The following INPP5A variants were observed in gnomAD, a reference collection of about 807,000 sequenced individuals.
The protein encoded by INPP5A is 43 kDa inositol polyphosphate 5-phophatase.
In INPP5A, 14 loss-of-function variants were observed where a neutral mutation model predicts 65.2. The observed-to-expected ratio is 0.21, with a 90% CI of 0.14 to 0.34. The LOEUF (loss-of-function observed/expected upper bound fraction) is 0.34. Ranked by LOEUF, INPP5A falls within the 10% of genes least tolerant of loss-of-function variation. The pLI is 1.00. For missense variants in INPP5A, 431 were observed against 545.6 expected, an observed-to-expected ratio of 0.79 and a Z score of 2.09; for synonymous variants, 207 against 208.3, an observed-to-expected ratio of 0.99 and a Z score of 0.05.
intron 9 of INPP5A, among the ~76,000 whole-genome samples, chr10:132,729,660 C>T: frequency 6.6e-6 from 1 of 152,350 alleles, no homozygotes; most frequent in South Asian, 2.1e-4. Flanking sequence ...TCGTCCCAGC[C>T]CTCTGCGCTG....
intron 3 of INPP5A, among the ~76,000 whole-genome samples, chr10:132,649,555 C>T (rs2072544550): frequency 6.6e-6 from 1 of 152,234 alleles, no homozygotes; most frequent in African/African-American, 2.4e-5. Context: ...GTGGGTCTGT[C>T]AAGGCATTCT....
At chr10:132,692,349 G>A (rs931558235) in intron 5 of INPP5A, among the ~76,000 whole-genome samples, 1 of 152,144 alleles carries the variant, frequency 6.6e-6, no homozygotes, top group African/African-American at 2.4e-5. Flanking sequence ...AGGAGTAGAA[G>A]GAAAGGAACA....
intron 9 of INPP5A, among the ~76,000 whole-genome samples, chr10:132,738,618 C>G (rs1002479098): frequency 3.9e-5 from 6 of 152,278 alleles, no homozygotes; most frequent in African/African-American, 7.2e-5. Context: ...GTCTGTTGAG[C>G]TCTAGCTGGC....
intron 14 of INPP5A, 77 bp downstream of exon 14, chr10:132,780,994 G>A: frequency 2.1e-6 from 2 of 960,054 alleles, no homozygotes; most frequent in Non-Finnish European, 3.2e-6. Flanking sequence ...GGGGCCAGTG[G>A]GTGGGCGGGT....
rs1392125808 is a variant in INPP5A at position 132,663,934 on chromosome 10, G to A, written c.306+13429G>A. 3.3e-5 allele frequency among the ~76,000 whole-genome samples: 5 copies of A among 152,220 alleles called. No homozygotes were observed. Among genetic ancestry groups the A allele is most frequent in the South Asian group, 2.1e-4 (1 of 4,834 alleles). On this transcript the variant is annotated intron_variant, in intron 4 of 15. Transcript: ENST00000368594. The surrounding 1 kb of genome is among the most constrained non-coding windows in gnomAD (Gnocchi z 4.5). ...CTCGTGGGCAGCCGATCCATCAGGC[G>A]GCCGACAGGCGTGATCGAGTGCCGT...
At chr10:132,740,787 C>T (rs1846258314) in intron 9 of INPP5A, among the ~76,000 whole-genome samples, 1 of 152,212 alleles carries the variant, frequency 6.6e-6, no homozygotes, top group Non-Finnish European at 1.5e-5. Flanking sequence ...TTTCTTCCTG[C>T]CGTGCCTTTG....
At chr10:132,710,636 A>T (rs7088303) in intron 8 of INPP5A, among the ~76,000 whole-genome samples, 180 bp downstream of exon 8, 2 of 146,732 alleles carry the variant, frequency 1.4e-5, no homozygotes. Flanking sequence ...GATGGCAGGT[A>T]GGTGTGCTGG....
chr10:132,580,399 C>T (rs978097838), intron 1 of INPP5A, among the ~76,000 whole-genome samples: 1 of 152,192 alleles, frequency 6.6e-6, no homozygotes. Flanking sequence ...GTGCTTTCTT[C>T]TTCTTCACCT....
At position 132,624,813 on chromosome 10, in the gene INPP5A, C is replaced by T. The variant is rs968932788; in HGVS notation, c.117+16857C>T. Among the ~76,000 whole-genome samples, 23 of 152,090 alleles carry T rather than the reference C, an allele frequency of 1.5e-4. 1 individual carries two copies. The highest frequency in any genetic ancestry group is 5.6e-4 in the African/African-American group (23 of 41,410). ...CTTCTCCGTCCTCTGCTCCACACCC[C>T]ACCCCCGCCCTGGCCTGCCCCACAG... On this transcript the variant is annotated intron_variant, in intron 2 of 15. Transcript: ENST00000368594.
In INPP5A at chr10:132,545,346, T is replaced by C. The variant is rs2070956252; in HGVS notation, c.75+7175T>C. ...GGGCTAGAGGGGCATTCGGAAGACTTTGACCAGATCGGGGCGGCTGAGGGG... is the reference window on the plus strand; with the variant it reads ...GGGCTAGAGGGGCATTCGGAAGACTCTGACCAGATCGGGGCGGCTGAGGGG... On this transcript the variant is annotated intron_variant, in intron 1 of 15. Coordinates refer to ENST00000368594, the MANE Select transcript of INPP5A (RefSeq NM_005539.5). The surrounding 1 kb of genome is among the most constrained non-coding windows in gnomAD (Gnocchi z 4.6). Among the ~76,000 whole-genome samples the C allele has an allele frequency of 2.6e-5, 4 of 151,966 alleles. No individual in the cohort carries two copies. The South Asian group carries it at 8.3e-4, about 32-fold the overall frequency.
intron 8 of INPP5A, among the ~76,000 whole-genome samples, chr10:132,725,357 G>A (rs567427403): frequency 2.6e-5 from 4 of 152,202 alleles, no homozygotes; most frequent in African/African-American, 7.2e-5. Context: ...AGTGCAGAGC[G>A]GGTCCACAGC....
Position 132,777,795 on chromosome 10 carries a change from T to C in INPP5A, c.1089+13T>C, listed in dbSNP as rs1847089726. 1 of 1,612,072 alleles carries C rather than the reference T, an allele frequency of 6.2e-7. No individual in the cohort carries two copies. Among genetic ancestry groups the C allele is most frequent in the Non-Finnish European group, 8.5e-7 (1 of 1,179,546 alleles). On this transcript the variant is annotated intron_variant, in intron 13 of 15. Coordinates refer to ENST00000368594, the MANE Select transcript of INPP5A (RefSeq NM_005539.5). Reference sequence around the variant, plus strand: ...GCTGGTGCTGCGGGTGAGTGTGTGCTGCCCCAGCCCTGGGCACAGAGGGAT... The same window carrying C: ...GCTGGTGCTGCGGGTGAGTGTGTGCCGCCCCAGCCCTGGGCACAGAGGGAT...
chr10:132,628,475 G>GGC (rs905618144), intron 2 of INPP5A, among the ~76,000 whole-genome samples: 3 of 150,866 alleles, frequency 2.0e-5, no homozygotes, highest in African/African-American at 4.9e-5. Flanking sequence ...GGGGGGGGGG[G>GGC]GGGCGTGGCG....
chr10:132,605,966 T>A (rs886999704), intron 1 of INPP5A, among the ~76,000 whole-genome samples: 2 of 152,178 alleles, frequency 1.3e-5, no homozygotes, highest in African/African-American at 4.8e-5. Context: ...GGATCCACAG[T>A]CAATGTTGGG....
At chr10:132,749,916 TCTGCTTAC>T in intron 11 of INPP5A, 71 bp downstream of exon 11, 4 of 1,326,024 alleles carry the variant, frequency 3.0e-6, no homozygotes, top group Non-Finnish European at 4.4e-6. Context: ...TCCCATTACC[TCTGCTTAC>T]CTGGGACCAC....
rs575365125 is a variant in INPP5A, at chr10:132,678,515, G to A, written c.307-11877G>A. On this transcript the variant is annotated intron_variant, in intron 4 of 15. Coordinates refer to ENST00000368594, the MANE Select transcript of INPP5A (RefSeq NM_005539.5). The surrounding 1 kb of genome is among the most constrained non-coding windows in gnomAD (Gnocchi z 4.1). ...CGGGAGCACCGTGAACCTGTGCCTT[G>A]GGTTGTGCTTTGAGACCTGAGCTGA... Among the ~76,000 whole-genome samples, 50 of 152,266 alleles carry A rather than the reference G, an allele frequency of 3.3e-4. No homozygotes were observed. Among genetic ancestry groups the A allele is most frequent in the Non-Finnish European group, 6.2e-4 (42 of 68,024 alleles).
chr10:132,749,800 C>T lies in INPP5A; in HGVS notation c.858C>T (p.Phe286=), dbSNP rs149439109. 22 of 1,613,206 alleles carry T rather than the reference C, an allele frequency of 1.4e-5. No individual in the cohort carries two copies. The highest frequency in any genetic ancestry group is 3.3e-4 in the Middle Eastern group (2 of 6,062). The change falls in exon 11 of 16, where the codon TTC becomes TTT. Residue 286 remains phenylalanine (F), a synonymous_variant. Coordinates refer to ENST00000368594, the MANE Select transcript of INPP5A (RefSeq NM_005539.5). ...KVMLQLEKKL[F]DYFNQEVFRD... is the part of the protein sequence containing the mutation. The stretch of plus-strand genomic sequence containing the variant: ...TGCTCCAGTTAGAAAAGAAACTCTT[C>T]GACTACTTCAACCAGGAGGTTTTCC...
chr10:132,565,719 TTGTGTG>T (rs140193152), intron 1 of INPP5A, among the ~76,000 whole-genome samples: 19 of 146,250 alleles, frequency 1.3e-4, no homozygotes, highest in Admixed American at 2.1e-4. Context: ...GTGCCTGAGT[TTGTGTG>T]TGTGTGTGTG....
rs1008419366 is a variant in INPP5A, at chr10:132,782,885, C to G, written c.*856C>G. The G allele has an allele frequency of 6.6e-6, 1 of 152,404 alleles. No homozygotes were observed. Among genetic ancestry groups the G allele is most frequent in the East Asian group, 1.9e-4 (1 of 5,192 alleles). The allele number at this position is 152,404 out of a possible 1,614,324, so 9.4% of individuals were successfully genotyped here. On this transcript the variant is annotated 3_prime_UTR_variant, in exon 16 of 16. Transcript: ENST00000368594. This position sits in a 1 kb window ranked among gnomAD's most constrained non-coding sequence, Gnocchi z 4.4. The stretch of plus-strand genomic sequence containing the variant: ...TAAGAACTGAATGTGAAGTTTATAG[C>G]TAGCCTGGGTGTACCTTTTAAGAAT...
Sources: gnomAD v4.1 joint callset for allele counts (sites outside exome capture counted in the v4.1 genomes callset) on GRCh38, gnomAD v4.1.1 for gene constraint, Gnocchi (gnomAD v3.1) non-coding constraint, MANE v1.5 for transcripts, NCBI Gene and HGNC (gene_info 2026-07-23, HGNC 2026-07-21) for gene names.